COL4A5: variants seen among roughly 807,000 people sequenced by gnomAD.
The protein encoded by COL4A5 is collagen type IV alpha 5 chain, also known as collagen alpha-5(IV) chain.
A neutral mutation model predicts 130.2 loss-of-function variants in COL4A5; 26 were observed. The ratio of observed to expected loss-of-function variants is 0.20; its 90% CI spans 0.15 to 0.28. The LOEUF (loss-of-function observed/expected upper bound fraction) is 0.28. Among genes scored for constraint, COL4A5 ranks in the 10% least tolerant of loss-of-function variants. The pLI is 1.00. For missense variants in COL4A5, 1,131 were observed against 1,344.3 expected (o/e 0.84, Z 2.48); for synonymous variants, 496 against 439.6 (o/e 1.13, Z -1.60).
At chrX:108,526,487 C>T (rs1388758980) in intron 1 of COL4A5, among the ~76,000 whole-genome samples, 1 of 109,044 alleles carries the variant, frequency 9.2e-6, no homozygotes, top group Admixed American at 9.8e-5. Context: ...TTCTTTCTTC[C>T]TTTCTTTCTT....
chrX:108,576,106 G>A lies in COL4A5; in HGVS notation c.609+134G>A. ...TAATTTATAATTTTCTTATGTAAAG[G>A]TGACTTTACAATGATATGGTGAATA... is the stretch of plus-strand genomic sequence containing the variant. On this transcript the variant is annotated intron_variant, in intron 10 of 52. Coordinates refer to ENST00000328300, the MANE Select transcript of COL4A5 (RefSeq NM_033380.3). The A allele has an allele frequency of 1.7e-5, 8 of 477,364 alleles. No individual in the cohort carries two copies. The South Asian group carries it at 2.3e-4, about 14-fold the overall frequency. The allele number at this position is 477,364 out of a possible 1,213,427, so 39.3% of individuals were successfully genotyped here.
intron 29 of COL4A5, among the ~76,000 whole-genome samples, chrX:108,608,182 G>T (rs898825984): frequency 2.7e-5 from 3 of 111,732 alleles, no homozygotes; most frequent in Non-Finnish European, 5.6e-5. Flanking sequence ...CACAATGTAT[G>T]AGTGTGTTTC....
At chrX:108,674,994 T>C (rs2068278757) in intron 43 of COL4A5, among the ~76,000 whole-genome samples, 1 of 110,887 alleles carries the variant, frequency 9.0e-6, no homozygotes, top group Admixed American at 9.7e-5. Flanking sequence ...TAAAGACATG[T>C]TGAATTTTAA....
intron 1 of COL4A5, among the ~76,000 whole-genome samples, chrX:108,515,875 T>C (rs1369054219): frequency 9.0e-6 from 1 of 111,643 alleles, no homozygotes; most frequent in East Asian, 2.8e-4. Context: ...TGCATTTTTT[T>C]TTCTGTTGGT....
At chrX:108,656,543 C>T (rs906432749) in intron 37 of COL4A5, among the ~76,000 whole-genome samples, 1 of 111,728 alleles carries the variant, frequency 9.0e-6, no homozygotes, top group Non-Finnish European at 1.9e-5. Context: ...TACTGAATCA[C>T]AGGGTAGGTG....
In COL4A5 at chrX:108,584,481, C is replaced by A; in HGVS notation, c.991-3C>A. The A allele has an allele frequency of 8.3e-7, 1 of 1,203,840 alleles. No homozygotes were observed. The highest frequency in any genetic ancestry group is 1.1e-6 in the Non-Finnish European group (1 of 890,382). ...TAACCTATTTTACAATTGCATTGAACAGGGCCAAAAAGGTGACACTGGCCC... is the reference window on the plus strand; with the variant it reads ...TAACCTATTTTACAATTGCATTGAAAAGGGCCAAAAAGGTGACACTGGCCC... On this transcript the variant is annotated splice_region_variant and splice_polypyrimidine_tract_variant and intron_variant, in intron 17 of 52. Coordinates refer to ENST00000328300, the MANE Select transcript of COL4A5 (RefSeq NM_033380.3).
rs755658895 is a variant in COL4A5 at position 108,634,978 on chromosome X, C to T, written c.3246+8629C>T. ...GGGAAAACAAGCATAAGACAAATTTCTGTAATTACTGAGTTGTTAAGAAAT... is the reference window on the plus strand; with the variant it reads ...GGGAAAACAAGCATAAGACAAATTTTTGTAATTACTGAGTTGTTAAGAAAT... On this transcript the variant is annotated intron_variant, in intron 36 of 52. Transcript: ENST00000328300. Among the ~76,000 whole-genome samples the T allele has an allele frequency of 2.7e-5, 3 of 111,111 alleles. No homozygotes were observed. The Admixed American group carries it at 2.9e-4, about 11-fold the overall frequency.
Position 108,451,770 on chromosome X carries a change from G to A in COL4A5, c.81+11564G>A, listed in dbSNP as rs375080497. 1.0e-3 allele frequency among the ~76,000 whole-genome samples: 114 copies of A among 109,594 alleles called. 1 individual carries two copies. The highest frequency in any genetic ancestry group is 3.3e-3 in the African/African-American group (98 of 30,101). ...GCCCTTTGTCAGATGAGTAGGTTGCGAAAATTTTCTCCCATTTTGTAGGTT... is the reference window on the plus strand; with the variant it reads ...GCCCTTTGTCAGATGAGTAGGTTGCAAAAATTTTCTCCCATTTTGTAGGTT... On this transcript the variant is annotated intron_variant, in intron 1 of 52. Transcript: ENST00000328300.
chrX:108,478,230 A>T, intron 1 of COL4A5, among the ~76,000 whole-genome samples: 1 of 111,665 alleles, frequency 9.0e-6, no homozygotes. Context: ...GTTGACTTAA[A>T]GGTAGGAGGG....
chrX:108,580,397 C>A (rs2066222579), intron 13 of COL4A5, 136 bp from the exon 14 acceptor site: 2 of 584,284 alleles, frequency 3.4e-6, no homozygotes, highest in Admixed American at 4.5e-5. Flanking sequence ...TAGCCTCCAG[C>A]TCTAACCATG....
intron 1 of COL4A5, among the ~76,000 whole-genome samples, chrX:108,514,260 A>T (rs772669945): frequency 5.3e-4 from 60 of 112,514 alleles, no homozygotes; most frequent in African/African-American, 1.8e-3. Flanking sequence ...AATATGAATA[A>T]TGATTCACTT....
chrX:108,625,717 A>G lies in COL4A5; in HGVS notation c.3029A>G (p.Asn1010Ser), dbSNP rs151077921. 2.0e-3 allele frequency: 2,411 copies of G among 1,198,930 alleles called. 29 individuals carry two copies. In the South Asian group the frequency reaches 0.039, roughly 20 times the overall value. Residue 1010 changes from asparagine (N) to serine (S), a missense_variant, in exon 35 of 53, where the codon AAC (asparagine) becomes AGC (serine). Asn to Ser is a conservative substitution (Grantham distance 46, BLOSUM62 1). Coordinates refer to ENST00000328300, the MANE Select transcript of COL4A5 (RefSeq NM_033380.3). ...TTGACCTTTCTAGGTCCCAAAGGTA[A>G]CCCTGGTCTCCCTGGACAGCCAGGT... ...GLPGPPGPKG[N>S]PGLPGQPGLI...
At chrX:108,682,368 T>C (rs1343840791) in intron 47 of COL4A5, among the ~76,000 whole-genome samples, 1 of 111,989 alleles carries the variant, frequency 8.9e-6, no homozygotes, top group Non-Finnish European at 1.9e-5. Flanking sequence ...TGGGCATGTG[T>C]CTTTATAGTA....
chrX:108,665,580 T>C lies in COL4A5; in HGVS notation c.3447T>C (p.Gly1149=). 8.4e-7 allele frequency: 1 copy of C among 1,188,678 alleles called. No homozygotes were observed. Among genetic ancestry groups the C allele is most frequent in the Non-Finnish European group, 1.1e-6 (1 of 875,282 alleles). The stretch of plus-strand genomic sequence containing the variant: ...ACCCCGGCCTTCCAGGAGAACCTGG[T>C]CCTGTAGGTAAGCATGAAAAATAAC... ...PGNPGLPGEP[G]PVGGGGHPGQ... The change falls in exon 38 of 53, where the codon GGT becomes GGC. Residue 1149 remains glycine, a synonymous_variant. Transcript: ENST00000328300.
chrX:108,474,672 T>G (rs1261523556), intron 1 of COL4A5, among the ~76,000 whole-genome samples: 1 of 112,079 alleles, frequency 8.9e-6, no homozygotes, highest in Non-Finnish European at 1.9e-5. Flanking sequence ...TACAAGAAAT[T>G]GCTGCCCAGA....
At chrX:108,673,897 C>T (rs1312057893) in intron 42 of COL4A5, among the ~76,000 whole-genome samples, 2 of 108,406 alleles carry the variant, frequency 1.8e-5, no homozygotes, top group Non-Finnish European at 3.8e-5. Flanking sequence ...TGAAAATTAG[C>T]CAGGCGTGGT....
intron 42 of COL4A5, 87 bp downstream of exon 42, chrX:108,670,323 T>G: frequency 8.4e-7 from 1 of 1,187,046 alleles, no homozygotes; most frequent in South Asian, 1.9e-5. Flanking sequence ...TTGAATGTAT[T>G]TTAAGAGCAT....
At chrX:108,689,097 C>A (rs1167733567) in intron 49 of COL4A5, among the ~76,000 whole-genome samples, 2 of 111,123 alleles carry the variant, frequency 1.8e-5, no homozygotes, top group Non-Finnish European at 3.8e-5. Flanking sequence ...TTCTCCTTTT[C>A]AACTTTCCTC....
chrX:108,644,921 A>ACAAC (rs200831487), intron 36 of COL4A5, among the ~76,000 whole-genome samples: 1 of 85,965 alleles, frequency 1.2e-5, no homozygotes, highest in African/African-American at 7.0e-5. Flanking sequence ...AACAACAACA[A>ACAAC]AAAAAAAAAA....
Sources: gnomAD v4.1 joint callset for allele counts (sites outside exome capture counted in the v4.1 genomes callset) on GRCh38, gnomAD v4.1.1 for gene constraint, MANE v1.5 for transcripts, NCBI Gene and HGNC (gene_info 2026-07-23, HGNC 2026-07-21) for gene names.